EPHB2: variants seen among roughly 807,000 people sequenced by gnomAD.
The protein encoded by EPHB2 is EPH receptor B2, also known as ephrin type-B receptor 2.
Under a neutral mutation model 96.4 loss-of-function variants are expected in EPHB2, and 18 were observed. That is an observed-to-expected ratio of 0.19 (90% CI 0.13 to 0.28). EPHB2 has a LOEUF of 0.28. Among genes scored for constraint, EPHB2 ranks in the 10% least tolerant of loss-of-function variants. EPHB2 has a pLI of 1.00. For missense variants in EPHB2, 989 were observed against 1,355.4 expected, an observed-to-expected ratio of 0.73 and a Z score of 4.25; for synonymous variants, 506 against 534.1, an observed-to-expected ratio of 0.95 and a Z score of 0.72.
chr1:22,894,098 G>A (rs183926092), intron 7 of EPHB2, among the ~76,000 whole-genome samples: 93 of 152,166 alleles, frequency 6.1e-4, no homozygotes, highest in Non-Finnish European at 8.4e-4. Context: ...TCTGTTCCTC[G>A]TGGCAGCTTT....
chr1:22,807,677 C>T (rs1409963101), intron 3 of EPHB2, among the ~76,000 whole-genome samples: 1 of 152,116 alleles, frequency 6.6e-6, no homozygotes, highest in Non-Finnish European at 1.5e-5. Flanking sequence ...GTGGCAGTGC[C>T]CTACAATGGT....
Position 22,896,943 on chromosome 1 carries a change from T to A in EPHB2, c.1765+465T>A, listed in dbSNP as rs117720854. On this transcript the variant is annotated intron_variant, in intron 9 of 15. Transcript: ENST00000374630. ...GCACTAGACATATTTGCAGAATAAA[T>A]AAATGAATCAAACTGAATAAATAAG... Among the ~76,000 whole-genome samples, 131 of 152,272 alleles carry A rather than the reference T, an allele frequency of 8.6e-4. 1 individual carries two copies. In the East Asian group the frequency reaches 0.023, roughly 27 times the overall value.
chr1:22,837,071 G>C (rs772627324), intron 3 of EPHB2, among the ~76,000 whole-genome samples: 1 of 152,226 alleles, frequency 6.6e-6, no homozygotes, highest in Non-Finnish European at 1.5e-5. Flanking sequence ...AACTGGATTT[G>C]AGTGTGCAGA....
rs113031108 is a variant in EPHB2, at chr1:22,757,205, G to A, written c.62-24216G>A. 2.0e-5 allele frequency among the ~76,000 whole-genome samples: 3 copies of A among 152,156 alleles called. 1 individual carries two copies. The highest frequency in any genetic ancestry group is 7.2e-5 in the African/African-American group (3 of 41,514). On this transcript the variant is annotated intron_variant, in intron 1 of 15. Coordinates refer to ENST00000374630, the MANE Select transcript of EPHB2 (RefSeq NM_017449.5). ...TCCTGAGGGTGCTCAGGGTTTGGGT[G>A]GTTCTGGAATACTTGAGTCATTCTC...
intron 1 of EPHB2, among the ~76,000 whole-genome samples, chr1:22,741,448 G>A (rs1467322642): frequency 6.6e-6 from 1 of 152,010 alleles, no homozygotes; most frequent in African/African-American, 2.4e-5. Flanking sequence ...AAGCCCTCCT[G>A]TCTCTCTTTG....
intron 1 of EPHB2, among the ~76,000 whole-genome samples, chr1:22,775,889 T>C (rs1007296124): frequency 1.3e-5 from 2 of 152,230 alleles, no homozygotes; most frequent in Non-Finnish European, 2.9e-5. Context: ...CCATTGGGAT[T>C]CTTTTAAATG....
intron 12 of EPHB2, 47 bp downstream of exon 12, chr1:22,908,215 G>A: frequency 1.2e-6 from 2 of 1,606,582 alleles, no homozygotes; most frequent in Non-Finnish European, 1.7e-6. Context: ...CAGAGAAGAG[G>A]GCATGAGTGT....
rs143332617 is a variant in EPHB2 at position 22,885,802 on chromosome 1, G to A, written c.1428+3319G>A. On this transcript the variant is annotated intron_variant, in intron 6 of 15. Transcript: ENST00000374630. Reference sequence around the variant, plus strand: ...GGGGGTCAGGTGGTAAGAGGCTGAAGGTGTGACAGCCTGAGGTACACCTGT... The same window carrying A: ...GGGGGTCAGGTGGTAAGAGGCTGAAAGTGTGACAGCCTGAGGTACACCTGT... 9.3e-3 allele frequency among the ~76,000 whole-genome samples: 1,411 copies of A among 152,310 alleles called. 11 individuals carry two copies. The highest frequency in any genetic ancestry group is 0.013 in the Non-Finnish European group (906 of 68,004).
In EPHB2 at chr1:22,757,979, C is replaced by T. The variant is rs542035934; in HGVS notation, c.62-23442C>T. Among the ~76,000 whole-genome samples, 9 of 131,312 alleles carry T rather than the reference C, an allele frequency of 6.9e-5. No homozygotes were observed. In the East Asian group the frequency reaches 1.1e-3, roughly 16 times the overall value. The allele number at this position is 131,312 out of a possible 152,430, so 86.1% of individuals were successfully genotyped here. On this transcript the variant is annotated intron_variant, in intron 1 of 15. Coordinates refer to ENST00000374630, the MANE Select transcript of EPHB2 (RefSeq NM_017449.5). ...TGTTGCCCAGGCTGGAGTGCAGTGG[C>T]GCGATCTCGGCTCACTGCAAGCTCC...
chr1:22,770,168 T>A (rs764807582), intron 1 of EPHB2, among the ~76,000 whole-genome samples: 17 of 152,006 alleles, frequency 1.1e-4, no homozygotes, highest in Admixed American at 5.2e-4. Flanking sequence ...GGCAGATGGA[T>A]AAGCGTATAG....
chr1:22,856,636 A>G (rs979370267), intron 3 of EPHB2, among the ~76,000 whole-genome samples: 1 of 152,290 alleles, frequency 6.6e-6, no homozygotes, highest in African/African-American at 2.4e-5. Flanking sequence ...CAGCTGTGCC[A>G]CTGACTTGCT....
chr1:22,728,739 C>T (rs1404434084), intron 1 of EPHB2, among the ~76,000 whole-genome samples: 1 of 152,216 alleles, frequency 6.6e-6, no homozygotes, highest in Non-Finnish European at 1.5e-5. Context: ...GTTGTCCTGC[C>T]TGATCATGAC....
chr1:22,911,491 C>A (rs1425768334), intron 14 of EPHB2, among the ~76,000 whole-genome samples: 1 of 152,198 alleles, frequency 6.6e-6, no homozygotes, highest in Non-Finnish European at 1.5e-5. Context: ...GAGTCAGCAT[C>A]CCCATGCCTG....
rs200905937 is a variant in EPHB2, at chr1:22,784,557, A to G, written c.292A>G (p.Ser98Gly). Residue 98 changes from serine (S) to glycine (G), a missense_variant, in exon 3 of 16, where the codon AGC (serine) becomes GGC (glycine). By Grantham distance (56) the Ser-to-Gly change is moderately conservative (BLOSUM62 0). Coordinates refer to ENST00000374630, the MANE Select transcript of EPHB2 (RefSeq NM_017449.5). This position sits in a 1 kb window ranked among gnomAD's most constrained non-coding sequence, Gnocchi z 5.1. ...VEMKFSVRDCSSIPSVPGSCK... is the reference protein window; with the variant it reads ...VEMKFSVRDCGSIPSVPGSCK... ...GATGAAGTTTTCGGTGCGTGACTGC[A>G]GCAGCATCCCCAGCGTGCCTGGCTC... 1.2e-6 allele frequency: 2 copies of G among 1,614,166 alleles called. No individual in the cohort carries two copies. The highest frequency in any genetic ancestry group is 1.7e-6 in the Non-Finnish European group (2 of 1,180,026).
At chr1:22,764,950 C>T (rs896988698) in intron 1 of EPHB2, among the ~76,000 whole-genome samples, 1 of 152,118 alleles carries the variant, frequency 6.6e-6, no homozygotes, top group Non-Finnish European at 1.5e-5. Flanking sequence ...GCAGGGGCTG[C>T]GGTTGGGGCA....
chr1:22,733,165 C>CA lies in EPHB2; in HGVS notation c.61+22123dup, dbSNP rs1459117566. Among the ~76,000 whole-genome samples the CA allele has an allele frequency of 2.6e-5, 4 of 152,270 alleles. No homozygotes were observed. The highest frequency in any genetic ancestry group is 2.6e-4 in the Admixed American group (4 of 15,296). On this transcript the variant is annotated intron_variant, in intron 1 of 15. Transcript: ENST00000374630. The surrounding 1 kb of genome is among the most constrained non-coding windows in gnomAD (Gnocchi z 4.6). ...CCCAGTTCAAGCGATTCTCCTGCCT[C>CA]AGCCTCCTGAGTAGCTGGGATTACA...
At chr1:22,758,670 A>G (rs1269607132) in intron 1 of EPHB2, among the ~76,000 whole-genome samples, 4 of 150,426 alleles carry the variant, frequency 2.7e-5, no homozygotes, top group Non-Finnish European at 4.4e-5. Context: ...TCCCTGCATG[A>G]TCAGGTCACC....
chr1:22,735,009 T>C (rs965074151), intron 1 of EPHB2, among the ~76,000 whole-genome samples: 5 of 152,192 alleles, frequency 3.3e-5, no homozygotes, highest in African/African-American at 1.2e-4. Flanking sequence ...GGTAGGAGAC[T>C]GAGGCTCAAG....
intron 5 of EPHB2, among the ~76,000 whole-genome samples, chr1:22,876,228 G>A (rs948639819): frequency 6.6e-6 from 1 of 152,060 alleles, no homozygotes; most frequent in Non-Finnish European, 1.5e-5. Flanking sequence ...AGGGATCTTC[G>A]GACCAGTGAA....
Sources: gnomAD v4.1 joint callset for allele counts (sites outside exome capture counted in the v4.1 genomes callset) on GRCh38, gnomAD v4.1.1 for gene constraint, Gnocchi (gnomAD v3.1) non-coding constraint, MANE v1.5 for transcripts, NCBI Gene and HGNC (gene_info 2026-07-23, HGNC 2026-07-21) for gene names.